DSCAM: variants seen among roughly 807,000 people sequenced by gnomAD.
DSCAM encodes the protein DS cell adhesion molecule, also known as cell adhesion molecule DSCAM.
Under a neutral mutation model 217.7 loss-of-function variants are expected in DSCAM, and 47 were observed. The ratio of observed to expected loss-of-function variants is 0.22; its 90% CI spans 0.17 to 0.28. DSCAM has a LOEUF of 0.28. Among genes scored for constraint, DSCAM ranks in the 10% least tolerant of loss-of-function variants. DSCAM has a pLI of 1.00. For synonymous variants in DSCAM, 1,056 were observed against 1,015.3 expected (o/e 1.04, Z -0.76); for missense variants, 2,080 against 2,618.3 (o/e 0.79, Z 4.49).
At chr21:40,496,253 C>G (rs2076117572) in intron 3 of DSCAM, among the ~76,000 whole-genome samples, 1 of 152,134 alleles carries the variant, frequency 6.6e-6, no homozygotes, top group South Asian at 2.1e-4. Context: ...AAGCATCACA[C>G]TACTTGCCTC....
At chr21:40,710,432 C>T (rs781696947) in intron 1 of DSCAM, among the ~76,000 whole-genome samples, 9 of 152,162 alleles carry the variant, frequency 5.9e-5, no homozygotes, top group South Asian at 2.1e-4. Flanking sequence ...AGTGTACATA[C>T]GTAAAATGTA....
intron 5 of DSCAM, among the ~76,000 whole-genome samples, chr21:40,348,252 ACGGTTCCTATCAGCCACATTAT>A (rs2074584197): frequency 3.3e-5 from 5 of 152,386 alleles, no homozygotes; most frequent in East Asian, 1.9e-4. Flanking sequence ...CATACCCCAT[ACGGTTCCTATCAGCCACATTAT>A]TGCAATCATA....
intron 3 of DSCAM, among the ~76,000 whole-genome samples, chr21:40,435,248 C>A (rs1709684778): frequency 6.6e-6 from 1 of 152,236 alleles, no homozygotes; most frequent in African/African-American, 2.4e-5. Flanking sequence ...TGTGAGCCCG[C>A]AGCTGCTCAA....
intron 27 of DSCAM, among the ~76,000 whole-genome samples, chr21:40,069,399 C>T (rs79641734): frequency 0.016 from 2,444 of 152,284 alleles, 65 homozygotes; most frequent in African/African-American, 0.055. Flanking sequence ...TGAAGGTGCA[C>T]ATCAGCAAGG....
intron 3 of DSCAM, among the ~76,000 whole-genome samples, chr21:40,377,199 G>A (rs776994513): frequency 1.2e-4 from 18 of 152,178 alleles, no homozygotes; most frequent in Non-Finnish European, 2.4e-4. Flanking sequence ...GGAAGATACT[G>A]TTATTCCCAT....
intron 3 of DSCAM, among the ~76,000 whole-genome samples, chr21:40,606,816 G>T (rs773889613): frequency 1.3e-5 from 2 of 152,228 alleles, no homozygotes; most frequent in African/African-American, 4.8e-5. Flanking sequence ...TTTTGGGAGA[G>T]ACCTGCTGGG....
intron 3 of DSCAM, among the ~76,000 whole-genome samples, chr21:40,677,023 C>T (rs2090347615): frequency 6.6e-6 from 1 of 152,050 alleles, no homozygotes; most frequent in African/African-American, 2.4e-5. Context: ...AAACAGATAA[C>T]AATGCTGAGA....
At position 40,188,179 on chromosome 21, in the gene DSCAM, G is replaced by A. The variant is rs139742006; in HGVS notation, c.2554-192C>T. Among the ~76,000 whole-genome samples, 4 of 152,142 alleles carry A rather than the reference G, an allele frequency of 2.6e-5. No individual in the cohort carries two copies. The East Asian group carries it at 5.8e-4, about 22-fold the overall frequency. ...CACATACTAAATCACACACATGCAC[G>A]TATCCCTCTGAGGACAAATTATTTC... On this transcript the variant is annotated intron_variant, in intron 12 of 32. Transcript: ENST00000400454.
At chr21:40,439,381 G>A (rs1249971040) in intron 3 of DSCAM, among the ~76,000 whole-genome samples, 1 of 152,228 alleles carries the variant, frequency 6.6e-6, no homozygotes, top group Admixed American at 6.5e-5. Context: ...TAATACAGTG[G>A]AACTGGAGTG....
At chr21:40,056,561 G>A (rs890077831) in intron 28 of DSCAM, among the ~76,000 whole-genome samples, 4 of 151,864 alleles carry the variant, frequency 2.6e-5, no homozygotes, top group Non-Finnish European at 5.9e-5. Flanking sequence ...AAAACTCCAC[G>A]TTGCACAAAA....
At chr21:40,163,908 C>T (rs1364852979) in intron 16 of DSCAM, among the ~76,000 whole-genome samples, 1 of 152,166 alleles carries the variant, frequency 6.6e-6, no homozygotes. Flanking sequence ...CCATGGCAGT[C>T]TTGGAAACAC....
At chr21:40,754,490 G>A (rs1008914054) in intron 1 of DSCAM, among the ~76,000 whole-genome samples, 3 of 152,226 alleles carry the variant, frequency 2.0e-5, no homozygotes, top group Admixed American at 6.5e-5. Context: ...TCGCCACTAT[G>A]AGAAATGGCA....
chr21:40,720,336 T>C (rs1380903440), intron 1 of DSCAM, among the ~76,000 whole-genome samples: 1 of 152,198 alleles, frequency 6.6e-6, no homozygotes, highest in East Asian at 1.9e-4. Context: ...AAATGGTTTT[T>C]TCTTTGGATA....
rs74522232 is a variant in DSCAM at position 40,347,656 on chromosome 21, C to G, written c.1210+14G>C. 1 of 1,612,808 alleles carries G rather than the reference C, an allele frequency of 6.2e-7. No individual in the cohort carries two copies. Among genetic ancestry groups the G allele is most frequent in the East Asian group, 2.2e-5 (1 of 44,870 alleles). ...GTTCTTTTTCAGCCATACCCTGAAACGAGGCCCACTGACCTTCAAGGACCA... is the reference window on the plus strand; with the variant it reads ...GTTCTTTTTCAGCCATACCCTGAAAGGAGGCCCACTGACCTTCAAGGACCA... On this transcript the variant is annotated intron_variant, in intron 6 of 32. Coordinates refer to ENST00000400454, the MANE Select transcript of DSCAM (RefSeq NM_001389.5).
chr21:40,218,783 CTTA>C (rs1005863674), intron 11 of DSCAM, among the ~76,000 whole-genome samples: 15 of 152,112 alleles, frequency 9.9e-5, no homozygotes, highest in African/African-American at 3.6e-4. Flanking sequence ...TAATTTGGCT[CTTA>C]GTTTGGCTGT....
chr21:40,233,818 G>A (rs1383434491), intron 11 of DSCAM, among the ~76,000 whole-genome samples: 1 of 152,098 alleles, frequency 6.6e-6, no homozygotes, highest in African/African-American at 2.4e-5. Context: ...AATTCCACAT[G>A]ACCTGGTATC....
In DSCAM at chr21:40,570,171, G is replaced by A. The variant is rs118089471; in HGVS notation, c.508+122639C>T. ...GAGCTGGCAGGCAAGCTGTAAAGCAGAAAGAGATCTCCCACAGTTTGGAAA... is the reference window on the plus strand; with the variant it reads ...GAGCTGGCAGGCAAGCTGTAAAGCAAAAAGAGATCTCCCACAGTTTGGAAA... On this transcript the variant is annotated intron_variant, in intron 3 of 32. Coordinates refer to ENST00000400454, the MANE Select transcript of DSCAM (RefSeq NM_001389.5). Among the ~76,000 whole-genome samples, 1,313 of 152,316 alleles carry A rather than the reference G, an allele frequency of 8.6e-3. 9 individuals are homozygous for A. Among genetic ancestry groups the A allele is most frequent in the Non-Finnish European group, 0.015 (1,033 of 68,036 alleles).
At chr21:40,473,620 T>C (rs1465980963) in intron 3 of DSCAM, among the ~76,000 whole-genome samples, 1 of 152,180 alleles carries the variant, frequency 6.6e-6, no homozygotes, top group African/African-American at 2.4e-5. Context: ...TGTCAGATTT[T>C]GTTATGGGCT....
intron 11 of DSCAM, among the ~76,000 whole-genome samples, chr21:40,195,788 G>T (rs1399326458): frequency 1.3e-5 from 2 of 152,064 alleles, no homozygotes; most frequent in African/African-American, 4.8e-5. Flanking sequence ...AGATGCTCTG[G>T]GACATAAACA....
Sources: allele counts gnomAD v4.1 joint callset (sites outside exome capture counted in the v4.1 genomes callset), GRCh38; gene constraint gnomAD v4.1.1; transcripts MANE v1.5; gene names NCBI Gene and HGNC (gene_info 2026-07-23, HGNC 2026-07-21).